TMEM119: variants seen among roughly 807,000 people sequenced by gnomAD.
TMEM119 encodes transmembrane protein 119.
For synonymous variants in TMEM119, 182 were observed against 176.4 expected, an observed-to-expected ratio of 1.03 and a Z score of -0.25; for missense variants, 410 against 381.0, an observed-to-expected ratio of 1.08 and a Z score of -0.63.
chr12:108,595,269 C>T (rs538652693), intron 1 of TMEM119, among the ~76,000 whole-genome samples: 152 of 151,674 alleles, frequency 1.0e-3, no homozygotes, highest in African/African-American at 3.5e-3. Flanking sequence ...CACACTCACA[C>T]ACACATCCCC....
At position 108,598,005 on chromosome 12, in the gene TMEM119, G is replaced by C. The variant is rs535019830; in HGVS notation, c.-50C>G. The C allele has an allele frequency of 2.0e-5, 3 of 152,508 alleles. No individual in the cohort carries two copies. Among genetic ancestry groups the C allele is most frequent in the African/African-American group, 7.2e-5 (3 of 41,580 alleles). 9.4% of individuals were successfully genotyped at this position (152,508 alleles called of 1,614,324 possible). A position where few individuals can be genotyped will look rare whatever the true frequency, so the allele number is the denominator to read the frequency against. ...GCGTACAGGACTGGGTGCTCCCGCC[G>C]AATGGAGCGAGAGTGGGGGGCACCT... is the stretch of plus-strand genomic sequence containing the variant. On this transcript the variant is annotated 5_prime_UTR_variant, in exon 1 of 2. Coordinates refer to ENST00000392806, the MANE Select transcript of TMEM119 (RefSeq NM_181724.3).
intron 1 of TMEM119, among the ~76,000 whole-genome samples, chr12:108,595,310 C>T (rs1223830240): frequency 4.0e-5 from 6 of 150,996 alleles, no homozygotes; most frequent in African/African-American, 7.3e-5. Context: ...CATGCACACA[C>T]GCCACACACA....
At chr12:108,597,399 G>A (rs2031520693) in intron 1 of TMEM119, among the ~76,000 whole-genome samples, 2 of 152,002 alleles carry the variant, frequency 1.3e-5, no homozygotes, top group Non-Finnish European at 2.9e-5. Flanking sequence ...GCCAAGGACA[G>A]GGACCTGGGC....
Position 108,591,950 on chromosome 12 carries a change from C to G in TMEM119, c.434G>C (p.Gly145Ala). The G allele has an allele frequency of 6.2e-7, 1 of 1,612,898 alleles. No individual in the cohort carries two copies. Reference protein sequence around the residue: ...KKYVDQSDRAGGPRAFSEVPD... With the variant: ...KKYVDQSDRAAGPRAFSEVPD... ...GACCTCACTGAAGGCCCGGGGGCCC[C>G]CGGCCCGGTCACTCTGGTCCACGTA... Residue 145 changes from glycine to alanine, a missense_variant, in exon 2 of 2, where the codon GGG (glycine) becomes GCG (alanine). Coordinates refer to ENST00000392806, the MANE Select transcript of TMEM119 (RefSeq NM_181724.3). This position sits in a 1 kb window ranked among gnomAD's most constrained non-coding sequence, Gnocchi z 4.2.
In TMEM119 at chr12:108,591,712, G is replaced by A; in HGVS notation, c.672C>T (p.Val224=). 1 of 1,612,558 alleles carries A rather than the reference G, an allele frequency of 6.2e-7. No homozygotes were observed. Among genetic ancestry groups the A allele is most frequent in the Non-Finnish European group, 8.5e-7 (1 of 1,179,316 alleles). ...CCTGCGCCTCTGGTGTCTCCACTGG[G>A]ACCCCATGTCCCTGGACTTCCTGGT... The part of the protein sequence containing the change: ...EGDQEVQGHG[V]PVETPEAQEE... The change falls in exon 2 of 2, where the codon GTC becomes GTT. Residue 224 remains valine, a synonymous_variant. Coordinates refer to ENST00000392806, the MANE Select transcript of TMEM119 (RefSeq NM_181724.3). The surrounding 1 kb of genome is among the most constrained non-coding windows in gnomAD (Gnocchi z 4.2).
rs576744302 is a variant in TMEM119, at chr12:108,592,101, C to T, written c.283G>A (p.Val95Met). ...DGIVDFFRQY[V>M]MLIAVVGSLA... ...GAGCCCACCACAGCAATCAGCATCACGTACTGGCGGAAGAAGTCCACTATC... is the reference window on the plus strand; with the variant it reads ...GAGCCCACCACAGCAATCAGCATCATGTACTGGCGGAAGAAGTCCACTATC... Residue 95 changes from valine to methionine, a missense_variant, in exon 2 of 2, where the codon GTG (valine) becomes ATG (methionine). By Grantham distance (21) the Val-to-Met change is conservative. Transcript: ENST00000392806. The surrounding 1 kb of genome is among the most constrained non-coding windows in gnomAD (Gnocchi z 4.3). The T allele has an allele frequency of 1.2e-5, 19 of 1,614,194 alleles. No homozygotes were observed. The East Asian group carries it at 1.8e-4, about 15-fold the overall frequency.
intron 1 of TMEM119, among the ~76,000 whole-genome samples, chr12:108,593,056 C>G (rs1482484672): frequency 6.6e-6 from 1 of 152,172 alleles, no homozygotes; most frequent in African/African-American, 2.4e-5. Context: ...CCCCCATGCA[C>G]TGGGTGGCCA....
At position 108,591,551 on chromosome 12, in the gene TMEM119, C is replaced by G; in HGVS notation, c.833G>C (p.Ser278Thr). ...GPPESPCACS[S>T]VHPSV The stretch of plus-strand genomic sequence containing the variant: ...GGACTGTTAGACACTGGGGTGGACA[C>G]TGCTGCAAGCACAGGGGCTTTCGGG... The change falls in exon 2 of 2, where the codon AGT becomes ACT. Residue 278 changes from serine (S) to threonine (T), a missense_variant. Physicochemically the swap from Ser to Thr is moderately conservative, Grantham distance 58. Transcript: ENST00000392806. This position sits in a 1 kb window ranked among gnomAD's most constrained non-coding sequence, Gnocchi z 4.2. 6.2e-7 allele frequency: 1 copy of G among 1,608,696 alleles called. No homozygotes were observed. Among genetic ancestry groups the G allele is most frequent in the Non-Finnish European group, 8.5e-7 (1 of 1,177,288 alleles).
Position 108,591,873 on chromosome 12 carries a change from G to A in TMEM119, c.511C>T (p.Gln171Ter), listed in dbSNP as rs144109867. ...GCGGCCAAGATGTCGGCCTGGAGCTGCCGGGAGGAATCCAGGGCTTCCTCG... is the reference window on the plus strand; with the variant it reads ...GCGGCCAAGATGTCGGCCTGGAGCTACCGGGAGGAATCCAGGGCTTCCTCG... ...RPEEALDSSRQLQADILAATQ... is the reference protein window; with the variant it reads ...RPEEALDSSR Residue 171 changes from glutamine (Q) to a stop codon, truncating the protein, a stop_gained, in exon 2 of 2, where the codon CAG becomes TAG. Coordinates refer to ENST00000392806, the MANE Select transcript of TMEM119 (RefSeq NM_181724.3). LOFTEE classifies it low-confidence loss of function (END_TRUNC). This position sits in a 1 kb window ranked among gnomAD's most constrained non-coding sequence, Gnocchi z 4.2. The A allele has an allele frequency of 1.6e-3, 2,558 of 1,609,718 alleles. 17 individuals carry two copies. Among genetic ancestry groups the A allele is most frequent in the Non-Finnish European group, 9.9e-4 (1,170 of 1,178,304 alleles).
At chr12:108,595,275 T>C (rs2031484635) in intron 1 of TMEM119, among the ~76,000 whole-genome samples, 2 of 140,728 alleles carry the variant, frequency 1.4e-5, no homozygotes, top group African/African-American at 2.7e-5. Context: ...CACACACACA[T>C]CCCCATACAC....
In TMEM119 at chr12:108,591,428, A is replaced by C; in HGVS notation, c.*104T>G. ...CTGGGATTGGCACCACAGGGAGGCC[A>C]AGGAGGGAGTGTCAGGAAGCAGTCA... is the stretch of plus-strand genomic sequence containing the variant. On this transcript the variant is annotated 3_prime_UTR_variant, in exon 2 of 2. Transcript: ENST00000392806. The surrounding 1 kb of genome is among the most constrained non-coding windows in gnomAD (Gnocchi z 4.2). 1.2e-5 allele frequency: 16 copies of C among 1,343,502 alleles called. No homozygotes were observed. The highest frequency in any genetic ancestry group is 1.6e-5 in the Non-Finnish European group (16 of 994,506). 83.2% of individuals were successfully genotyped at this position (1,343,502 alleles called of 1,614,324 possible). A position where few individuals can be genotyped will look rare whatever the true frequency, so the allele number is the denominator to read the frequency against.
At chr12:108,596,794 G>A (rs776666593) in intron 1 of TMEM119, among the ~76,000 whole-genome samples, 6 of 152,216 alleles carry the variant, frequency 3.9e-5, no homozygotes, top group Non-Finnish European at 7.3e-5. Context: ...TAGGAGCTGG[G>A]GTCAGGCCCA....
At position 108,591,480 on chromosome 12, in the gene TMEM119, G is replaced by A. The variant is rs2031394014; in HGVS notation, c.*52C>T. On this transcript the variant is annotated 3_prime_UTR_variant, in exon 2 of 2. Transcript: ENST00000392806. The surrounding 1 kb of genome is among the most constrained non-coding windows in gnomAD (Gnocchi z 4.2). Reference sequence around the variant, plus strand: ...GGCTGAAGGCCTTTTCATACACGGGGAGGTGACCACTTGGGGGCCCGACAG... The same window carrying A: ...GGCTGAAGGCCTTTTCATACACGGGAAGGTGACCACTTGGGGGCCCGACAG... 6.6e-7 allele frequency: 1 copy of A among 1,522,248 alleles called. No individual in the cohort carries two copies. Among genetic ancestry groups the A allele is most frequent in the East Asian group, 2.3e-5 (1 of 43,788 alleles). 94.3% of individuals were successfully genotyped at this position (1,522,248 alleles called of 1,614,324 possible).
At chr12:108,597,026 C>T (rs2031515063) in intron 1 of TMEM119, among the ~76,000 whole-genome samples, 1 of 152,226 alleles carries the variant, frequency 6.6e-6, no homozygotes, top group Non-Finnish European at 1.5e-5. Flanking sequence ...ATAAGAGCCA[C>T]CTCCCTGGAC....
rs747425455 is a variant in TMEM119 at position 108,592,237 on chromosome 12, G to A, written c.147C>T (p.Ala49=). Residue 49 remains alanine (A), a synonymous_variant, in exon 2 of 2, where the codon GCC becomes GCT. Transcript: ENST00000392806. This position sits in a 1 kb window ranked among gnomAD's most constrained non-coding sequence, Gnocchi z 4.3. ...AGGGTGGCGGGAGGCTCGGGGAGGA[G>A]GCCGACGAGCCCTCGGCCTCCCCAC... is the stretch of plus-strand genomic sequence containing the variant. ...AGSGEAEGSS[A]SSPSLPPPWT... 1.9e-6 allele frequency: 3 copies of A among 1,609,074 alleles called. No homozygotes were observed. Among genetic ancestry groups the A allele is most frequent in the Admixed American group, 3.4e-5 (2 of 59,602 alleles).
intron 1 of TMEM119, among the ~76,000 whole-genome samples, chr12:108,595,360 T>C (rs1179760891): frequency 1.4e-5 from 2 of 143,468 alleles, no homozygotes; most frequent in African/African-American, 2.6e-5. Flanking sequence ...TACACAATCA[T>C]ACACACATGC....
In TMEM119 at chr12:108,591,712, G is replaced by C; in HGVS notation, c.672C>G (p.Val224=). Residue 224 remains valine, a synonymous_variant, in exon 2 of 2, where the codon GTC becomes GTG. Transcript: ENST00000392806. This position sits in a 1 kb window ranked among gnomAD's most constrained non-coding sequence, Gnocchi z 4.2. ...CCTGCGCCTCTGGTGTCTCCACTGG[G>C]ACCCCATGTCCCTGGACTTCCTGGT... ...EGDQEVQGHG[V]PVETPEAQEE... is the part of the protein sequence containing the mutation. 1 of 1,612,558 alleles carries C rather than the reference G, an allele frequency of 6.2e-7. No individual in the cohort carries two copies. Among genetic ancestry groups the C allele is most frequent in the Non-Finnish European group, 8.5e-7 (1 of 1,179,316 alleles).
In TMEM119 at chr12:108,591,734, T is replaced by G. The variant is rs2031402568; in HGVS notation, c.650A>C (p.Gln217Pro). Reference protein sequence around the residue: ...EEEKGSQEGDQEVQGHGVPVE... With the variant: ...EEEKGSQEGDPEVQGHGVPVE... ...TGGGACCCCATGTCCCTGGACTTCC[T>G]GGTCCCCCTCCTGGCTGCCCTTCTC... The change falls in exon 2 of 2, where the codon CAG (glutamine) becomes CCG (proline). Residue 217 changes from glutamine (Q) to proline (P), a missense_variant. Transcript: ENST00000392806. This position sits in a 1 kb window ranked among gnomAD's most constrained non-coding sequence, Gnocchi z 4.2. 6.2e-7 allele frequency: 1 copy of G among 1,606,748 alleles called. No individual in the cohort carries two copies. Among genetic ancestry groups the G allele is most frequent in the African/African-American group, 1.3e-5 (1 of 74,656 alleles).
chr12:108,595,589 ACAAT>A (rs2031492677), intron 1 of TMEM119, among the ~76,000 whole-genome samples: 2 of 151,652 alleles, frequency 1.3e-5, no homozygotes, highest in African/African-American at 4.9e-5. Context: ...CATACTACAC[ACAAT>A]CATACACACA....
Sources: gnomAD v4.1 joint callset for allele counts (sites outside exome capture counted in the v4.1 genomes callset) on GRCh38, gnomAD v4.1.1 for gene constraint, Gnocchi (gnomAD v3.1) non-coding constraint, MANE v1.5 for transcripts, NCBI Gene and HGNC (gene_info 2026-07-23, HGNC 2026-07-21) for gene names.